Variants in PSAT1 observed in about 807,000 individuals in gnomAD.
PSAT1 encodes the protein phosphoserine aminotransferase.
Under a neutral mutation model 40.3 loss-of-function variants are expected in PSAT1, and 41 were observed. The ratio of observed to expected loss-of-function variants is 1.02; its 90% CI spans 0.79 to 1.32. The LOEUF is 1.32. Ranked by LOEUF, PSAT1 falls within the 40% of genes most tolerant of loss-of-function variation. PSAT1 has a pLI of 0.00. For synonymous variants in PSAT1, 147 were observed against 170.5 expected (o/e 0.86, Z 1.07); for missense variants, 406 against 455.8 (o/e 0.89, Z 0.99).
At chr9:78,297,407 C>T (rs1828042557) in intron 1 of PSAT1, 137 bp downstream of exon 1, 4 of 1,028,940 alleles carry the variant, frequency 3.9e-6, no homozygotes. Context: ...TCAGCGTGCA[C>T]AGCGGGATCA....
At chr9:78,300,718 T>C in intron 2 of PSAT1, 56 bp downstream of exon 2, 1 of 1,498,768 alleles carries the variant, frequency 6.7e-7, no homozygotes. Context: ...AGCTTTTTTT[T>C]TTTTTTTTTT....
chr9:78,302,106 A>G (rs1413560400), intron 3 of PSAT1, 83 bp downstream of exon 3: 6 of 969,574 alleles, frequency 6.2e-6, no homozygotes, highest in African/African-American at 1.6e-5. Flanking sequence ...TCTACACTCT[A>G]TTGTTTGTTC....
intron 6 of PSAT1, among the ~76,000 whole-genome samples, chr9:78,310,321 G>A (rs767867146): frequency 1.9e-4 from 29 of 152,186 alleles, no homozygotes; most frequent in Non-Finnish European, 2.9e-4. Flanking sequence ...TAGATCCTGG[G>A]TATGTACATT....
intron 3 of PSAT1, 142 bp downstream of exon 3, chr9:78,302,165 A>G (rs1828116868): frequency 1.4e-6 from 1 of 700,842 alleles, no homozygotes; most frequent in Admixed American, 2.3e-5. Context: ...TCTCCAATTC[A>G]CTATTAGTAC....
intron 6 of PSAT1, among the ~76,000 whole-genome samples, chr9:78,310,324 T>C (rs1828248151): frequency 6.6e-6 from 1 of 152,228 alleles, no homozygotes; most frequent in Non-Finnish European, 1.5e-5. Flanking sequence ...ATCCTGGGTA[T>C]GTACATTCTG....
intron 5 of PSAT1, 150 bp from the exon 6 acceptor site, chr9:78,308,264 T>G: frequency 1.6e-5 from 14 of 882,930 alleles, no homozygotes; most frequent in Non-Finnish European, 2.6e-5. Flanking sequence ...GCTGTCCACA[T>G]GGAGATTGCT....
rs183713691 is a variant in PSAT1, at chr9:78,330,064, T to C, written c.*978T>C. 6.6e-6 allele frequency: 1 copy of C among 152,342 alleles called. No homozygotes were observed. The highest frequency in any genetic ancestry group is 6.5e-5 in the Admixed American group (1 of 15,306). 9.4% of individuals were successfully genotyped at this position (152,342 alleles called of 1,614,324 possible). ...TTGTCAGTATTTTATGTTGAATATGTAAAGAACATTAAAGTCCTAAAACAT... is the reference window on the plus strand; with the variant it reads ...TTGTCAGTATTTTATGTTGAATATGCAAAGAACATTAAAGTCCTAAAACAT... On this transcript the variant is annotated 3_prime_UTR_variant, in exon 9 of 9. Transcript: ENST00000376588.
At chr9:78,300,174 A>G (rs1828086917) in intron 1 of PSAT1, among the ~76,000 whole-genome samples, 1 of 152,044 alleles carries the variant, frequency 6.6e-6, no homozygotes, top group Admixed American at 6.6e-5. Flanking sequence ...TGCCCACCCC[A>G]CGCTTCCCAG....
At chr9:78,320,561 AC>A (rs1279565429) in intron 7 of PSAT1, among the ~76,000 whole-genome samples, 1 of 137,232 alleles carries the variant, frequency 7.3e-6, no homozygotes. Flanking sequence ...CTGTCCATTC[AC>A]CCTTCCACCT....
chr9:78,315,525 G>A (rs116060233), intron 6 of PSAT1, among the ~76,000 whole-genome samples: 1,558 of 152,350 alleles, frequency 0.01, 25 homozygotes, highest in African/African-American at 0.036. Context: ...CGCTGAGGCT[G>A]TGGATATTCT....
chr9:78,297,328 T>C, intron 1 of PSAT1, 58 bp downstream of exon 1: 2 of 1,539,742 alleles, frequency 1.3e-6, no homozygotes, highest in South Asian at 1.2e-5. Context: ...CGCACGCGGG[T>C]GGGTTTGCAT....
rs1000650798 is a variant in PSAT1, at chr9:78,308,472, T to C, written c.629T>C (p.Val210Ala). The C allele has an allele frequency of 1.2e-6, 2 of 1,613,844 alleles. No homozygotes were observed. The highest frequency in any genetic ancestry group is 1.7e-6 in the Non-Finnish European group (2 of 1,179,866). The change falls in exon 6 of 9, where the codon GTG (valine) becomes GCG (alanine). Residue 210 changes from valine (V) to alanine (A), a missense_variant. Coordinates refer to ENST00000376588, the MANE Select transcript of PSAT1 (RefSeq NM_058179.4). The stretch of plus-strand genomic sequence containing the variant: ...GTTGGCTCTGCTGGGGTCACCGTGG[T>C]GATTGTCCGTGATGACCTGCTGGGG... The part of the protein sequence containing the change: ...KNVGSAGVTV[V>A]IVRDDLLGFA...
Position 78,325,004 on chromosome 9 carries a change from T to G in PSAT1, c.870-3047T>G, listed in dbSNP as rs1217962136. 2.6e-5 allele frequency among the ~76,000 whole-genome samples: 4 copies of G among 152,238 alleles called. No individual in the cohort carries two copies. The South Asian group carries it at 8.3e-4, about 32-fold the overall frequency. On this transcript the variant is annotated intron_variant, in intron 7 of 8. Transcript: ENST00000376588. Reference sequence around the variant, plus strand: ...CCATTTCCTTTTTTTAATTTACAGTTTGCGTTCAGTGCAAACCCATAGCAT... The same window carrying G: ...CCATTTCCTTTTTTTAATTTACAGTGTGCGTTCAGTGCAAACCCATAGCAT...
At chr9:78,307,454 G>C (rs980941840) in intron 5 of PSAT1, among the ~76,000 whole-genome samples, 1 of 152,212 alleles carries the variant, frequency 6.6e-6, no homozygotes, top group Non-Finnish European at 1.5e-5. Context: ...ACTGTATTTG[G>C]TTTATGGTCT....
chr9:78,298,400 A>G (rs1400916745), intron 1 of PSAT1: 2 of 985,290 alleles, frequency 2.0e-6, no homozygotes, highest in Admixed American at 6.1e-5. Flanking sequence ...GTGTTGTGGT[A>G]AGAACAGAGA....
chr9:78,324,042 C>A lies in PSAT1; in HGVS notation c.870-4009C>A, dbSNP rs538142221. ...ATGGGTGTCCCTGGCTGAAGGTGTA[C>A]CTCTGCCATGTTCCCCTCCTCCAGT... On this transcript the variant is annotated intron_variant, in intron 7 of 8. Coordinates refer to ENST00000376588, the MANE Select transcript of PSAT1 (RefSeq NM_058179.4). 4.6e-5 allele frequency among the ~76,000 whole-genome samples: 7 copies of A among 152,248 alleles called. No individual in the cohort carries two copies. In the South Asian group the frequency reaches 1.5e-3, roughly 32 times the overall value.
intron 7 of PSAT1, among the ~76,000 whole-genome samples, chr9:78,325,154 G>A (rs1215864904): frequency 6.6e-6 from 1 of 152,104 alleles, no homozygotes; most frequent in Non-Finnish European, 1.5e-5. Context: ...TCAGGGCTGT[G>A]TGATCTGGTT....
intron 7 of PSAT1, among the ~76,000 whole-genome samples, chr9:78,319,560 T>C (rs1403188008): frequency 6.6e-6 from 1 of 152,234 alleles, no homozygotes; most frequent in Admixed American, 6.5e-5. Flanking sequence ...GAGGCCAGGA[T>C]ACCCTGCCTG....
chr9:78,329,170 C>A lies in PSAT1; in HGVS notation c.*84C>A. ...TGGGGATGGCTACAAAAAGTTAACACAGTATTTTTCTCAAATGAACATGTT... is the reference window on the plus strand; with the variant it reads ...TGGGGATGGCTACAAAAAGTTAACAAAGTATTTTTCTCAAATGAACATGTT... On this transcript the variant is annotated 3_prime_UTR_variant, in exon 9 of 9. Coordinates refer to ENST00000376588, the MANE Select transcript of PSAT1 (RefSeq NM_058179.4). The A allele has an allele frequency of 1.0e-6, 1 of 965,260 alleles. No homozygotes were observed. Among genetic ancestry groups the A allele is most frequent in the Non-Finnish European group, 1.7e-6 (1 of 597,964 alleles). 59.8% of individuals were successfully genotyped at this position (965,260 alleles called of 1,614,324 possible). A position where few individuals can be genotyped will look rare whatever the true frequency, so the allele number is the denominator to read the frequency against.
Sources: allele counts gnomAD v4.1 joint callset (sites outside exome capture counted in the v4.1 genomes callset), GRCh38; gene constraint gnomAD v4.1.1; transcripts MANE v1.5; gene names NCBI Gene and HGNC (gene_info 2026-07-23, HGNC 2026-07-21).